The following UGGT2 variants were observed in gnomAD, a reference collection of about 807,000 sequenced individuals.
UGGT2 encodes UDP-glucose:glycoprotein glucosyltransferase 2.
UGGT2 carries 180 observed loss-of-function variants against 192.1 expected under a neutral mutation model. That is an observed-to-expected ratio of 0.94 (90% CI 0.83 to 1.06). UGGT2 has a LOEUF of 1.06. Ranked by LOEUF, UGGT2 falls within the 50% of genes least tolerant of loss-of-function variation. UGGT2 has a pLI of 0.00. For missense variants in UGGT2, 1,849 were observed against 1,795.7 expected, an observed-to-expected ratio of 1.03 and a Z score of -0.54; for synonymous variants, 580 against 591.0, an observed-to-expected ratio of 0.98 and a Z score of 0.27.
At chr13:95,988,469 A>G (rs902070412) in intron 8 of UGGT2, among the ~76,000 whole-genome samples, 1 of 152,168 alleles carries the variant, frequency 6.6e-6, no homozygotes, top group African/African-American at 2.4e-5. Flanking sequence ...GTATAATAAA[A>G]GGAGGTCTAA....
At chr13:95,888,758 A>G (rs372275067) in intron 25 of UGGT2, among the ~76,000 whole-genome samples, 2 of 152,086 alleles carry the variant, frequency 1.3e-5, no homozygotes, top group East Asian at 3.9e-4. Flanking sequence ...AAAGTATGCT[A>G]TTATTACCAA....
At chr13:95,875,132 G>A (rs1481765215) in intron 29 of UGGT2, among the ~76,000 whole-genome samples, 1 of 152,054 alleles carries the variant, frequency 6.6e-6, no homozygotes, top group Non-Finnish European at 1.5e-5. Flanking sequence ...TTTTTATAAA[G>A]TTAGTCATTT....
Position 95,867,394 on chromosome 13 carries a change from AG to A in UGGT2, c.3502del (p.Leu1168Ter). On this transcript the variant is annotated frameshift_variant, in exon 30 of 39. Coordinates refer to ENST00000376747, the MANE Select transcript of UGGT2 (RefSeq NM_020121.4). LOFTEE classifies it high-confidence loss of function. Reference protein sequence around the residue: ...GHEGTDSQADLEDIIVVLNSF... With the variant: ...GHEGTDSQADXEDIIVVLNSF... ...GTTTAATACAACAATGATATCTTCT[AG>A]GTCTGCTTGAGAGTCAGTTCCTTCA... 6.2e-7 allele frequency: 1 copy of A among 1,609,036 alleles called. No individual in the cohort carries two copies. Among genetic ancestry groups the A allele is most frequent in the Non-Finnish European group, 8.5e-7 (1 of 1,178,218 alleles).
intron 36 of UGGT2, among the ~76,000 whole-genome samples, chr13:95,845,455 A>T (rs896999098): frequency 1.4e-5 from 2 of 148,130 alleles, no homozygotes; most frequent in Non-Finnish European, 3.0e-5. Context: ...TTAGTGGACA[A>T]AGCACATGTT....
intron 17 of UGGT2, among the ~76,000 whole-genome samples, chr13:95,930,999 G>C (rs560260421): frequency 6.6e-6 from 1 of 152,156 alleles, no homozygotes; most frequent in African/African-American, 2.4e-5. Flanking sequence ...GGACCCAAGC[G>C]GGTTGCCACG....
rs1346327422 is a variant in UGGT2, at chr13:95,927,112, C to T, written c.2116G>A (p.Glu706Lys). The change falls in exon 19 of 39, where the codon GAA (glutamate) becomes AAA (lysine). Residue 706 changes from glutamate to lysine, a missense_variant. By Grantham distance (56) the Glu-to-Lys change is moderately conservative. Transcript: ENST00000376747. ...AAGAAAAAGAAAGTAGAGAAATCTT[C>T]AACATCAGCAGTTACTGAAAAATTT... ...LISTSVTADV[E>K]DFSTFFFLDS... The T allele has an allele frequency of 2.5e-6, 4 of 1,610,114 alleles. No homozygotes were observed. The highest frequency in any genetic ancestry group is 2.5e-6 in the Non-Finnish European group (3 of 1,178,968).
intron 20 of UGGT2, among the ~76,000 whole-genome samples, chr13:95,919,122 A>T (rs1374003323): frequency 6.6e-6 from 1 of 152,226 alleles, no homozygotes; most frequent in Non-Finnish European, 1.5e-5. Flanking sequence ...ACAAAACCAC[A>T]TGATTATCTC....
chr13:95,904,465 T>G (rs1246823999), intron 20 of UGGT2, among the ~76,000 whole-genome samples: 1 of 88,202 alleles, frequency 1.1e-5, no homozygotes, highest in Non-Finnish European at 2.1e-5. Flanking sequence ...CCCACAACAG[T>G]CCCCAGAGTG....
At chr13:96,009,788 T>C (rs964107077) in intron 5 of UGGT2, among the ~76,000 whole-genome samples, 5 of 152,038 alleles carry the variant, frequency 3.3e-5, no homozygotes, top group South Asian at 2.1e-4. Flanking sequence ...AGCCTGGCGA[T>C]AGAGCAAGAC....
intron 1 of UGGT2, among the ~76,000 whole-genome samples, chr13:96,042,132 C>A (rs1452198720): frequency 6.6e-6 from 1 of 152,156 alleles, no homozygotes; most frequent in Non-Finnish European, 1.5e-5. Context: ...CACCCCCCTG[C>A]CACCTCCAGC....
At chr13:96,034,067 C>G (rs1229279028) in intron 1 of UGGT2, among the ~76,000 whole-genome samples, 1 of 152,154 alleles carries the variant, frequency 6.6e-6, no homozygotes, top group Non-Finnish European at 1.5e-5. Flanking sequence ...ATGGACGAGT[C>G]AGCACACACT....
intron 5 of UGGT2, among the ~76,000 whole-genome samples, chr13:96,001,764 TAGATTTTCTCCC>T (rs918623418): frequency 6.6e-6 from 1 of 152,224 alleles, no homozygotes. Context: ...CAGTTACTTA[TAGATTTTCTCCC>T]ACCTTGCCAC....
Position 95,807,716 on chromosome 13 carries a change from CTTT to C in UGGT2, c.4529-5907_4529-5905del. 7.2e-3 allele frequency among the ~76,000 whole-genome samples: 566 copies of C among 78,704 alleles called. 31 individuals carry two copies. Among genetic ancestry groups the C allele is most frequent in the African/African-American group, 0.026 (510 of 19,382 alleles). The allele number at this position is 78,704 out of a possible 152,430, so 51.6% of individuals were successfully genotyped here. A position where few individuals can be genotyped will look rare whatever the true frequency, so the allele number is the denominator to read the frequency against. ...GTATCTTGAAACCCTCAGCCCTCAC[CTTT>C]TTTTTTTTTTTTTTTTGCCGTATTC... On this transcript the variant is annotated intron_variant, in intron 38 of 38. Coordinates refer to ENST00000376747, the MANE Select transcript of UGGT2 (RefSeq NM_020121.4).
At chr13:95,882,100 A>C (rs2047511964) in intron 27 of UGGT2, among the ~76,000 whole-genome samples, 1 of 151,472 alleles carries the variant, frequency 6.6e-6, no homozygotes, top group South Asian at 2.1e-4. Context: ...GTAGAGATGG[A>C]GGTTTCACCA....
In UGGT2 at chr13:95,852,734, G is replaced by A. The variant is rs116939153; in HGVS notation, c.4284+809C>T. The stretch of plus-strand genomic sequence containing the variant: ...TGCTTAAATTATCTAAAATGTTTCA[G>A]ATGCAATAATGAGGAAATTGATAGG... On this transcript the variant is annotated intron_variant, in intron 36 of 38. Coordinates refer to ENST00000376747, the MANE Select transcript of UGGT2 (RefSeq NM_020121.4). Among the ~76,000 whole-genome samples, 469 of 152,286 alleles carry A rather than the reference G, an allele frequency of 3.1e-3. 5 individuals carry two copies. Among genetic ancestry groups the A allele is most frequent in the Middle Eastern group, 6.8e-3 (2 of 294 alleles).
At chr13:95,931,529 C>T (rs1337549485) in intron 17 of UGGT2, among the ~76,000 whole-genome samples, 15 of 130,258 alleles carry the variant, frequency 1.2e-4, no homozygotes, top group East Asian at 5.3e-4. Flanking sequence ...CAAGACCCCA[C>T]GGTGCCGGGG....
intron 15 of UGGT2, among the ~76,000 whole-genome samples, chr13:95,946,307 C>T (rs2049865643): frequency 6.6e-6 from 1 of 152,174 alleles, no homozygotes; most frequent in Admixed American, 6.5e-5. Flanking sequence ...TGACTTCCCC[C>T]TTCTTTGAAA....
At chr13:96,010,339 T>C (rs933470889) in intron 5 of UGGT2, among the ~76,000 whole-genome samples, 1 of 152,196 alleles carries the variant, frequency 6.6e-6, no homozygotes, top group African/African-American at 2.4e-5. Context: ...GATAGGTTGA[T>C]AGGTGCAGCA....
At chr13:95,845,884 G>A (rs1594132151) in intron 36 of UGGT2, among the ~76,000 whole-genome samples, 1 of 151,866 alleles carries the variant, frequency 6.6e-6, no homozygotes. Flanking sequence ...GGGCAGAGAC[G>A]CTCCTCACTT....
Sources: allele counts gnomAD v4.1 joint callset (sites outside exome capture counted in the v4.1 genomes callset), GRCh38; gene constraint gnomAD v4.1.1; transcripts MANE v1.5; gene names NCBI Gene and HGNC (gene_info 2026-07-23, HGNC 2026-07-21).